The following POLA1 variants were observed in gnomAD, a reference collection of about 807,000 sequenced individuals.
POLA1 encodes DNA polymerase alpha catalytic subunit.
In POLA1, 15 loss-of-function variants were observed where a neutral mutation model predicts 124.0. The ratio of observed to expected loss-of-function variants is 0.12; its 90% CI spans 0.08 to 0.19. The LOEUF is 0.19. Ranked by LOEUF, POLA1 falls within the 10% of genes least tolerant of loss-of-function variation. POLA1 has a pLI of 1.00. For synonymous variants in POLA1, 408 were observed against 389.4 expected (o/e 1.05, Z -0.56); for missense variants, 886 against 1,103.4 (o/e 0.80, Z 2.79).
intron 29 of POLA1, among the ~76,000 whole-genome samples, chrX:24,813,549 C>T (rs932487209): frequency 8.9e-6 from 1 of 112,477 alleles, no homozygotes; most frequent in Non-Finnish European, 1.9e-5. Context: ...TGCAGTGGCT[C>T]ACGCCCATAA....
At chrX:24,958,596 A>G (rs1458242774) in intron 36 of POLA1, among the ~76,000 whole-genome samples, 1 of 112,272 alleles carries the variant, frequency 8.9e-6, no homozygotes. Context: ...ATTATTATCC[A>G]TGTTCTGTAA....
chrX:24,863,472 C>T (rs1433380123), intron 34 of POLA1, among the ~76,000 whole-genome samples: 2 of 111,361 alleles, frequency 1.8e-5, no homozygotes, highest in East Asian at 2.8e-4. Context: ...GCCCAAGGGC[C>T]GAAATAATTG....
At chrX:24,971,833 G>A (rs2048305707) in intron 36 of POLA1, among the ~76,000 whole-genome samples, 1 of 111,476 alleles carries the variant, frequency 9.0e-6, no homozygotes, top group Admixed American at 9.5e-5. Flanking sequence ...ATCTCCCTGG[G>A]CTAAGTATTA....
At chrX:24,849,357 A>G (rs911118991) in intron 34 of POLA1, among the ~76,000 whole-genome samples, 2 of 113,090 alleles carry the variant, frequency 1.8e-5, no homozygotes, top group African/African-American at 6.4e-5. Context: ...GAACATATTG[A>G]AAATTAGTAT....
At position 24,770,777 on chromosome X, in the gene POLA1, A is replaced by G. The variant is rs777795558; in HGVS notation, c.2964+21785A>G. ...GGTGACCGATAACCTCTACAGTTCCATCTGTCATAGTGCCTTTCACATAAC... is the reference window on the plus strand; with the variant it reads ...GGTGACCGATAACCTCTACAGTTCCGTCTGTCATAGTGCCTTTCACATAAC... On this transcript the variant is annotated intron_variant, in intron 26 of 36. Coordinates refer to ENST00000379068, the MANE Select transcript of POLA1 (RefSeq NM_001330360.2). Among the ~76,000 whole-genome samples, 30 of 111,008 alleles carry G rather than the reference A, an allele frequency of 2.7e-4. 2 individuals carry two copies. Among genetic ancestry groups the G allele is most frequent in the Admixed American group, 2.7e-3 (28 of 10,436 alleles).
intron 34 of POLA1, among the ~76,000 whole-genome samples, chrX:24,871,769 A>G (rs1233511175): frequency 9.0e-6 from 1 of 111,361 alleles, no homozygotes; most frequent in Admixed American, 9.6e-5. Flanking sequence ...AAATGATTGA[A>G]TACTATAGTT....
At chrX:24,983,908 T>C (rs1423715347) in intron 36 of POLA1, among the ~76,000 whole-genome samples, 1 of 111,300 alleles carries the variant, frequency 9.0e-6, no homozygotes, top group Non-Finnish European at 1.9e-5. Flanking sequence ...AGTCATTCTG[T>C]CGTGTCCTCT....
At chrX:24,809,269 T>G (rs772969078) in intron 26 of POLA1, among the ~76,000 whole-genome samples, 1 of 111,597 alleles carries the variant, frequency 9.0e-6, no homozygotes, top group African/African-American at 3.3e-5. Context: ...TCAAAATAAT[T>G]TATATCAGTT....
intron 32 of POLA1, among the ~76,000 whole-genome samples, chrX:24,838,294 C>A (rs759299612): frequency 8.9e-5 from 10 of 111,786 alleles, no homozygotes; most frequent in Non-Finnish European, 1.3e-4. Context: ...TAATTTCATT[C>A]CACTGCCTCT....
At chrX:24,758,741 G>A (rs775328818) in intron 26 of POLA1, among the ~76,000 whole-genome samples, 11 of 112,252 alleles carry the variant, frequency 9.8e-5, no homozygotes, top group Non-Finnish European at 2.1e-4. Flanking sequence ...GTGCAGCATC[G>A]TGATCTTGGC....
chrX:24,930,414 C>T (rs368720488), intron 35 of POLA1, 39 bp from the exon 36 acceptor site: 4 of 874,399 alleles, frequency 4.6e-6, no homozygotes, highest in African/African-American at 3.9e-5. Flanking sequence ...CTTCCCCCTC[C>T]CCAGTAGTAG....
At chrX:24,843,447 A>T in intron 33 of POLA1, 99 bp from the exon 34 acceptor site, 1 of 536,446 alleles carries the variant, frequency 1.9e-6, no homozygotes. Flanking sequence ...AAAACGAATT[A>T]AGAATATTCA....
chrX:24,740,918 GT>G (rs1198797051), intron 20 of POLA1, among the ~76,000 whole-genome samples: 3 of 109,127 alleles, frequency 2.7e-5, no homozygotes, highest in African/African-American at 6.7e-5. Flanking sequence ...TAATTTCTTT[GT>G]TTTTTTTTAT....
intron 35 of POLA1, among the ~76,000 whole-genome samples, chrX:24,895,355 C>A (rs919336836): frequency 1.1e-4 from 12 of 112,092 alleles, no homozygotes; most frequent in African/African-American, 3.6e-4. Flanking sequence ...TCTTTTCTGT[C>A]ATTCTCAAAG....
At chrX:24,733,997 T>C (rs1210406769) in intron 17 of POLA1, 181 bp downstream of exon 17, 1 of 318,941 alleles carries the variant, frequency 3.1e-6, no homozygotes, top group African/African-American at 2.7e-5. Context: ...TTTAACAATG[T>C]TTAAATGTTT....
intron 36 of POLA1, among the ~76,000 whole-genome samples, chrX:24,953,365 C>T (rs1488465311): frequency 1.8e-5 from 2 of 112,179 alleles, no homozygotes; most frequent in Non-Finnish European, 3.8e-5. Context: ...GTTCTCATGG[C>T]ACATTCTACA....
chrX:24,872,819 A>G lies in POLA1; in HGVS notation c.4048-15187A>G, dbSNP rs371128275. The stretch of plus-strand genomic sequence containing the variant: ...AGGATCAAAAACTTAAACTTAGAAA[A>G]TGGAACTATAAAAGTAATGTTGTTA... On this transcript the variant is annotated intron_variant, in intron 34 of 36. Transcript: ENST00000379068. Among the ~76,000 whole-genome samples, 46 of 111,991 alleles carry G rather than the reference A, an allele frequency of 4.1e-4. No individual in the cohort carries two copies. The South Asian group carries it at 0.016, about 39-fold the overall frequency.
chrX:24,701,327 CAGCTCTGGCCACTGGATTCCAAA>C (rs1381129999), intron 2 of POLA1, among the ~76,000 whole-genome samples: 6 of 111,293 alleles, frequency 5.4e-5, no homozygotes, highest in Non-Finnish European at 1.1e-4. Flanking sequence ...GAAATCCAGT[CAGCTCTGGCCACTGGATTCCAAA>C]AGCTCTGTCC....
chrX:24,989,949 G>C (rs1156458333), intron 36 of POLA1, among the ~76,000 whole-genome samples: 1 of 111,850 alleles, frequency 8.9e-6, no homozygotes, highest in East Asian at 2.8e-4. Context: ...TAGTTGTTCA[G>C]CGTATCCAGA....
Sources: gnomAD v4.1 joint callset for allele counts (sites outside exome capture counted in the v4.1 genomes callset) on GRCh38, gnomAD v4.1.1 for gene constraint, MANE v1.5 for transcripts, NCBI Gene and HGNC (gene_info 2026-07-23, HGNC 2026-07-21) for gene names.